The following THBS4 variants were observed in gnomAD, a reference collection of about 807,000 sequenced individuals.
THBS4 encodes the protein thrombospondin 4, also known as thrombospondin-4.
THBS4 carries 90 observed loss-of-function variants against 115.7 expected under a neutral mutation model. That is an observed-to-expected ratio of 0.78 (90% CI 0.66 to 0.93). The LOEUF (loss-of-function observed/expected upper bound fraction) is 0.93, where lower values mean the gene tolerates loss of function less well. THBS4 is among the 40% of genes least tolerant of loss of function. The pLI, the probability that THBS4 is intolerant of heterozygous loss-of-function variation, is 0.00. For missense variants in THBS4, 1,087 were observed against 1,232.7 expected (o/e 0.88, Z 1.77); for synonymous variants, 460 against 479.3 (o/e 0.96, Z 0.53).
chr5:80,059,719 G>T lies in THBS4; in HGVS notation c.801G>T (p.Gln267His), dbSNP rs1271275976. 1.2e-6 allele frequency: 2 copies of T among 1,614,042 alleles called. No homozygotes were observed. The highest frequency in any genetic ancestry group is 2.7e-5 in the African/African-American group (2 of 74,922). The change falls in exon 7 of 22, where the codon CAG becomes CAT. Residue 267 changes from glutamine (Q) to histidine (H), a missense_variant. Coordinates refer to ENST00000350881, the MANE Select transcript of THBS4 (RefSeq NM_003248.6). Reference sequence around the variant, plus strand: ...TTTCTCTAGGTCCTCTCAAGTTTCAGTCTCCGACCCCAAGCACGGTGGTGC... The same window carrying T: ...TTTCTCTAGGTCCTCTCAAGTTTCATTCTCCGACCCCAAGCACGGTGGTGC... ...ECQACGPLKFQSPTPSTVVPP... is the reference protein window; with the variant it reads ...ECQACGPLKFHSPTPSTVVPP...
At chr5:80,026,925 T>A (rs867397416) in intron 2 of THBS4, among the ~76,000 whole-genome samples, 1 of 152,236 alleles carries the variant, frequency 6.6e-6, no homozygotes, top group South Asian at 2.1e-4. Context: ...TACCAGGACA[T>A]TACTTCTCCT....
chr5:80,055,720 T>G, intron 2 of THBS4, 65 bp from the exon 3 acceptor site: 2 of 1,563,694 alleles, frequency 1.3e-6, no homozygotes, highest in Non-Finnish European at 8.7e-7. Flanking sequence ...TCACACCATT[T>G]GTTGACCCTC....
intron 1 of THBS4, among the ~76,000 whole-genome samples, chr5:79,993,362 C>T (rs116411026): frequency 6.6e-6 from 1 of 152,178 alleles, no homozygotes; most frequent in Non-Finnish European, 1.5e-5. Flanking sequence ...GCTGATTGCA[C>T]AAACAGGCTG....
chr5:80,009,247 A>C (rs578002572), intron 2 of THBS4, among the ~76,000 whole-genome samples: 1 of 152,350 alleles, frequency 6.6e-6, no homozygotes, highest in African/African-American at 2.4e-5. Context: ...ATTCCAACCT[A>C]GACCACCTAG....
upstream of THBS4, among the ~76,000 whole-genome samples, chr5:80,030,980 T>C (rs535779791): frequency 6.6e-6 from 1 of 152,334 alleles, no homozygotes; most frequent in East Asian, 1.9e-4. Flanking sequence ...TATGGGTGAT[T>C]TCCCCCACTT....
chr5:80,028,547 C>T (rs1832524636), intron 2 of THBS4, among the ~76,000 whole-genome samples: 1 of 150,128 alleles, frequency 6.7e-6, no homozygotes, highest in Admixed American at 6.6e-5. Context: ...CAACCTCCAC[C>T]TCCCGAGTTC....
intron 5 of THBS4, 125 bp downstream of exon 5, chr5:80,058,915 C>T (rs1367748913): frequency 2.0e-5 from 17 of 846,366 alleles, no homozygotes; most frequent in South Asian, 1.6e-4. Context: ...CGGGGGCCCA[C>T]GCAGCCCCGC....
chr5:80,055,697 C>T, intron 2 of THBS4, 88 bp from the exon 3 acceptor site: 3 of 1,537,860 alleles, frequency 2.0e-6, no homozygotes, highest in Non-Finnish European at 2.6e-6. Context: ...GGCTGTTCAG[C>T]ACAGGACACT....
chr5:80,045,671 T>C (rs256443), intron 2 of THBS4, among the ~76,000 whole-genome samples: 83,800 of 151,548 alleles, frequency 0.55, 23,623 homozygotes, highest in African/African-American at 0.66. Flanking sequence ...GCTGGGATTA[T>C]AGGCATGCGC....
intron 2 of THBS4, among the ~76,000 whole-genome samples, chr5:80,010,732 A>G (rs1832107022): frequency 6.6e-6 from 1 of 152,260 alleles, no homozygotes; most frequent in Non-Finnish European, 1.5e-5. Flanking sequence ...AAGCTGCAGT[A>G]CAGTCACAAC....
chr5:80,017,655 C>T (rs1195310627), intron 2 of THBS4, among the ~76,000 whole-genome samples: 1 of 152,032 alleles, frequency 6.6e-6, no homozygotes, highest in Non-Finnish European at 1.5e-5. Context: ...TTTTATATGG[C>T]CAGTGTTGAA....
intron 14 of THBS4, chr5:80,072,642 T>C (rs1054179242): frequency 2.0e-6 from 1 of 489,580 alleles, no homozygotes; most frequent in African/African-American, 1.9e-5. Context: ...ACGAACTTCA[T>C]GATGCTCAAT....
At chr5:80,040,979 A>T (rs912557539) in intron 2 of THBS4, among the ~76,000 whole-genome samples, 1 of 152,172 alleles carries the variant, frequency 6.6e-6, no homozygotes, top group Non-Finnish European at 1.5e-5. Context: ...ATCCATTTTC[A>T]CAAGAGCTGA....
At position 79,995,733 on chromosome 5, in the gene THBS4, G is replaced by A. The variant is rs1022528969; in HGVS notation, n.82-2599G>A. Among the ~76,000 whole-genome samples, 4 of 152,140 alleles carry A rather than the reference G, an allele frequency of 2.6e-5. No individual in the cohort carries two copies. In the South Asian group the frequency reaches 6.2e-4, roughly 24 times the overall value. ...TTCTGACACTGGAGGAAGTTTCAAGGGGAACTATGGGATGCTGAGTAGATA... is the reference window on the plus strand; with the variant it reads ...TTCTGACACTGGAGGAAGTTTCAAGAGGAACTATGGGATGCTGAGTAGATA... On this transcript the variant is annotated intron_variant and non_coding_transcript_variant, in intron 1 of 3. Transcript: ENST00000510218.
chr5:80,055,696 G>T, intron 2 of THBS4, 89 bp from the exon 3 acceptor site: 1 of 1,535,606 alleles, frequency 6.5e-7, no homozygotes, highest in Non-Finnish European at 8.8e-7. Context: ...AGGCTGTTCA[G>T]CACAGGACAC....
intron 8 of THBS4, among the ~76,000 whole-genome samples, chr5:80,063,671 C>A (rs181765993): frequency 5.3e-5 from 8 of 152,280 alleles, no homozygotes; most frequent in African/African-American, 1.9e-4. Flanking sequence ...TGATAAGAAG[C>A]TGTTAAGAGT....
chr5:80,028,909 C>G (rs1561298735), intron 2 of THBS4, among the ~76,000 whole-genome samples: 2 of 152,046 alleles, frequency 1.3e-5, no homozygotes, highest in Non-Finnish European at 2.9e-5. Flanking sequence ...TTTATATAGT[C>G]TCATCTGTAC....
chr5:80,004,782 G>A (rs1170641102), intron 2 of THBS4, among the ~76,000 whole-genome samples: 1 of 151,822 alleles, frequency 6.6e-6, no homozygotes, highest in Non-Finnish European at 1.5e-5. Flanking sequence ...CTGTCACCCA[G>A]GGTGGAGTGC....
intron 7 of THBS4, 30 bp from the exon 8 acceptor site, chr5:80,061,665 G>A (rs758061728): frequency 1.9e-6 from 3 of 1,585,490 alleles, no homozygotes; most frequent in East Asian, 2.3e-5. Flanking sequence ...TCTCGGTGTG[G>A]CTAAAGACTT....
Sources: gnomAD v4.1 joint callset for allele counts (sites outside exome capture counted in the v4.1 genomes callset) on GRCh38, gnomAD v4.1.1 for gene constraint, MANE v1.5 for transcripts, NCBI Gene and HGNC (gene_info 2026-07-23, HGNC 2026-07-21) for gene names.